The following OTUD7A variants were observed in gnomAD, a reference collection of about 807,000 sequenced individuals.
OTUD7A encodes the protein OTU deubiquitinase 7A.
Under a neutral mutation model 65.7 loss-of-function variants are expected in OTUD7A, and 12 were observed. The observed-to-expected ratio is 0.18, with a 90% CI of 0.12 to 0.30. OTUD7A has a LOEUF of 0.30. Ranked by LOEUF, OTUD7A falls within the 10% of genes least tolerant of loss-of-function variation. The pLI is 1.00. For missense variants in OTUD7A, 1,148 were observed against 1,304.8 expected (o/e 0.88, Z 1.85); for synonymous variants, 641 against 586.3 (o/e 1.09, Z -1.35).
intron 3 of OTUD7A, among the ~76,000 whole-genome samples, chr15:31,590,458 C>CAT (rs1359626900): frequency 1.3e-5 from 2 of 151,186 alleles, no homozygotes; most frequent in African/African-American, 4.8e-5. Flanking sequence ...TGTATATACA[C>CAT]ATATACAATA....
chr15:31,789,814 T>TCC (rs1895767715), intron 1 of OTUD7A, among the ~76,000 whole-genome samples: 1 of 151,144 alleles, frequency 6.6e-6, no homozygotes, highest in South Asian at 2.1e-4. Context: ...CAAGCGATTC[T>TCC]CCTGCTGAGG....
chr15:31,771,386 C>T (rs1238240210), intron 1 of OTUD7A, among the ~76,000 whole-genome samples: 4 of 152,304 alleles, frequency 2.6e-5, no homozygotes, highest in Admixed American at 6.5e-5. Context: ...CATCCACTGG[C>T]AACGGCCCAT....
intron 1 of OTUD7A, among the ~76,000 whole-genome samples, chr15:31,677,457 A>T (rs1324596835): frequency 6.6e-6 from 1 of 152,090 alleles, no homozygotes; most frequent in Admixed American, 6.5e-5. Context: ...CCTGAATTGT[A>T]ATCCCCATAA....
intron 4 of OTUD7A, 48 bp from the exon 5 acceptor site, chr15:31,559,235 G>T (rs749899794): frequency 1.3e-6 from 2 of 1,553,208 alleles, no homozygotes; most frequent in East Asian, 2.3e-5. Context: ...GTGGGTGTAG[G>T]TGTGGCTCTA....
intron 1 of OTUD7A, among the ~76,000 whole-genome samples, chr15:31,711,116 G>GAC (rs1893435111): frequency 6.7e-6 from 1 of 149,346 alleles, no homozygotes; most frequent in Non-Finnish European, 1.5e-5. Context: ...AAATAGAGTT[G>GAC]AAGTGTTCAA....
intron 1 of OTUD7A, among the ~76,000 whole-genome samples, chr15:31,675,505 C>A (rs1036844609): frequency 6.6e-6 from 1 of 152,256 alleles, no homozygotes; most frequent in East Asian, 1.9e-4. Context: ...CATTATACCA[C>A]GTTGAAACAA....
intron 1 of OTUD7A, among the ~76,000 whole-genome samples, chr15:31,865,426 G>A (rs1897853064): frequency 6.6e-6 from 1 of 152,190 alleles, no homozygotes; most frequent in Non-Finnish European, 1.5e-5. Flanking sequence ...TGGGGAAGGA[G>A]GACGTGCTGA....
chr15:31,697,126 C>T (rs1408681067), intron 1 of OTUD7A, among the ~76,000 whole-genome samples: 1 of 108,250 alleles, frequency 9.2e-6, no homozygotes, highest in African/African-American at 2.8e-5. Flanking sequence ...CTTTCAATTG[C>T]CTAAGCACAA....
intron 5 of OTUD7A, among the ~76,000 whole-genome samples, chr15:31,547,804 C>T (rs1888179299): frequency 6.6e-6 from 1 of 152,034 alleles, no homozygotes; most frequent in African/African-American, 2.4e-5. Flanking sequence ...TCCTGATTTC[C>T]CCGAGATATT....
intron 1 of OTUD7A, among the ~76,000 whole-genome samples, chr15:31,730,805 C>T (rs866103490): frequency 9.8e-5 from 15 of 152,320 alleles, no homozygotes; most frequent in Admixed American, 2.6e-4. Context: ...ACTGAGCCCA[C>T]GGCCAATACA....
chr15:31,596,536 T>C (rs1428951797), intron 3 of OTUD7A, among the ~76,000 whole-genome samples: 1 of 152,244 alleles, frequency 6.6e-6, no homozygotes, highest in Non-Finnish European at 1.5e-5. Context: ...CTTAAATGTA[T>C]TTTTAATTTT....
At chr15:31,823,572 CA>C (rs1896736015) in intron 1 of OTUD7A, among the ~76,000 whole-genome samples, 1 of 152,142 alleles carries the variant, frequency 6.6e-6, no homozygotes, top group Admixed American at 6.5e-5. Context: ...GTAAAGTTAG[CA>C]AAATCATTAC....
chr15:31,567,591 T>G (rs944583520), intron 4 of OTUD7A, among the ~76,000 whole-genome samples: 3 of 152,206 alleles, frequency 2.0e-5, no homozygotes, highest in Non-Finnish European at 4.4e-5. Context: ...GATATTTGCA[T>G]GACGAAAAGG....
chr15:31,523,104 G>A (rs963188459), intron 8 of OTUD7A, among the ~76,000 whole-genome samples: 7 of 152,328 alleles, frequency 4.6e-5, no homozygotes, highest in African/African-American at 1.7e-4. Flanking sequence ...TCCTATTCCC[G>A]GGTGGCACCC....
chr15:31,484,765 A>G lies in OTUD7A; in HGVS notation c.1372-41T>C. 1 of 1,578,794 alleles carries G rather than the reference A, an allele frequency of 6.3e-7. No individual in the cohort carries two copies. On this transcript the variant is annotated intron_variant, in intron 12 of 12. Transcript: ENST00000307050. The surrounding 1 kb of genome is among the most constrained non-coding windows in gnomAD (Gnocchi z 4.5). ...GGGCCGGATCGAAGGTGGTTAGAGA[A>G]GAGCTGTCCACGCGCCAGCGAGGAA...
intron 1 of OTUD7A, among the ~76,000 whole-genome samples, chr15:31,850,573 A>G (rs1897398638): frequency 6.6e-6 from 1 of 151,912 alleles, no homozygotes; most frequent in African/African-American, 2.4e-5. Flanking sequence ...AATAATAATA[A>G]TAAAGAAAGA....
At position 31,721,943 on chromosome 15, in the gene OTUD7A, G is replaced by A. The variant is rs1401375302; in HGVS notation, c.-99-64866C>T. Among the ~76,000 whole-genome samples the A allele has an allele frequency of 1.2e-4, 18 of 152,292 alleles. No individual in the cohort carries two copies. The East Asian group carries it at 2.7e-3, about 23-fold the overall frequency. ...CCAGTGCAGCATCTGGCTCGAAGTCGGTGCTCAATAAAACTCTGCTGCCTG... is the reference window on the plus strand; with the variant it reads ...CCAGTGCAGCATCTGGCTCGAAGTCAGTGCTCAATAAAACTCTGCTGCCTG... On this transcript the variant is annotated intron_variant, in intron 1 of 12. Transcript: ENST00000307050.
intron 1 of OTUD7A, among the ~76,000 whole-genome samples, chr15:31,813,550 A>T (rs755257608): frequency 5.3e-5 from 8 of 152,250 alleles, no homozygotes; most frequent in African/African-American, 9.6e-5. Flanking sequence ...TTCTTTGGTC[A>T]AATAAGTTTG....
intron 5 of OTUD7A, among the ~76,000 whole-genome samples, chr15:31,553,432 C>T (rs979675450): frequency 1.3e-5 from 2 of 152,104 alleles, no homozygotes; most frequent in Non-Finnish European, 1.5e-5. Context: ...CGGGATCCCA[C>T]GGGTTTCACT....
Sources: allele counts gnomAD v4.1 joint callset (sites outside exome capture counted in the v4.1 genomes callset), GRCh38; gene constraint gnomAD v4.1.1; non-coding constraint Gnocchi (gnomAD v3.1); transcripts MANE v1.5; gene names NCBI Gene and HGNC (gene_info 2026-07-23, HGNC 2026-07-21).